PHF2: variants seen among roughly 807,000 people sequenced by gnomAD.
The protein encoded by PHF2 is PHD finger protein 2.
A neutral mutation model predicts 120.5 loss-of-function variants in PHF2; 27 were observed. The observed-to-expected ratio is 0.22, with a 90% CI of 0.17 to 0.31. PHF2 has a LOEUF of 0.31. Ranked by LOEUF, PHF2 falls within the 10% of genes least tolerant of loss-of-function variation. The pLI, the probability that PHF2 is intolerant of heterozygous loss-of-function variation, is 1.00. For synonymous variants in PHF2, 568 were observed against 592.5 expected (o/e 0.96, Z 0.60); for missense variants, 1,024 against 1,434.8 (o/e 0.71, Z 4.63).
chr9:93,630,223 T>G (rs950682787), intron 2 of PHF2, among the ~76,000 whole-genome samples, 168 bp downstream of exon 2: 1 of 152,198 alleles, frequency 6.6e-6, no homozygotes, highest in Non-Finnish European at 1.5e-5. Context: ...TAGCTTACTG[T>G]CCCCTGTAGC....
At chr9:93,658,864 TGTTGCTTA>T (rs1826509319) in intron 10 of PHF2, among the ~76,000 whole-genome samples, 1 of 152,174 alleles carries the variant, frequency 6.6e-6, no homozygotes, top group Non-Finnish European at 1.5e-5. Flanking sequence ...CCACTTACTG[TGTTGCTTA>T]GCATCTTCCC....
At chr9:93,620,423 C>T (rs1825807032) in intron 1 of PHF2, among the ~76,000 whole-genome samples, 1 of 152,198 alleles carries the variant, frequency 6.6e-6, no homozygotes, top group Non-Finnish European at 1.5e-5. Context: ...CTGGGGGATC[C>T]TTTGTGAGCT....
chr9:93,577,127 C>T (rs1432828669), intron 1 of PHF2, among the ~76,000 whole-genome samples: 1 of 149,042 alleles, frequency 6.7e-6, no homozygotes, highest in East Asian at 2.0e-4. Flanking sequence ...GGCCCGCGGG[C>T]CGGGAGGTGG....
At chr9:93,612,267 TAA>T (rs1190471751) in intron 1 of PHF2, among the ~76,000 whole-genome samples, 1 of 152,234 alleles carries the variant, frequency 6.6e-6, no homozygotes, top group Non-Finnish European at 1.5e-5. Flanking sequence ...AGAGGACATG[TAA>T]CAGGTGTCTG....
At chr9:93,669,590 G>A (rs1031852561) in intron 17 of PHF2, among the ~76,000 whole-genome samples, 3 of 152,250 alleles carry the variant, frequency 2.0e-5, no homozygotes, top group Non-Finnish European at 4.4e-5. Context: ...TCTCAGACAG[G>A]GCCTGGGAGG....
At chr9:93,607,425 A>G (rs979018833) in intron 1 of PHF2, among the ~76,000 whole-genome samples, 4 of 145,994 alleles carry the variant, frequency 2.7e-5, no homozygotes, top group African/African-American at 1.0e-4. Context: ...GCCATGCACC[A>G]ACATGCCTGG....
intron 1 of PHF2, among the ~76,000 whole-genome samples, chr9:93,587,962 A>G (rs1282813067): frequency 1.3e-5 from 2 of 152,100 alleles, no homozygotes; most frequent in African/African-American, 2.4e-5. Context: ...AAGGCATGTG[A>G]CTTGGATCCT....
chr9:93,615,399 A>G (rs543090601), intron 1 of PHF2, among the ~76,000 whole-genome samples: 1 of 152,164 alleles, frequency 6.6e-6, no homozygotes, highest in South Asian at 2.1e-4. Context: ...GATGATGATG[A>G]CGATGATGAT....
At chr9:93,671,652 T>C (rs111802777) in intron 17 of PHF2, among the ~76,000 whole-genome samples, 1 of 28,810 alleles carries the variant, frequency 3.5e-5, no homozygotes, top group Admixed American at 3.4e-4. Context: ...GTAGATGCAG[T>C]TGTGGGTGTG....
At position 93,675,671 on chromosome 9, in the gene PHF2, T is replaced by C; in HGVS notation, c.2723-9T>C. The C allele has an allele frequency of 6.2e-7, 1 of 1,607,110 alleles. No individual in the cohort carries two copies. The highest frequency in any genetic ancestry group is 8.5e-7 in the Non-Finnish European group (1 of 1,175,336). Reference sequence around the variant, plus strand: ...ACAGCTTGAGGGGGCTGGCCCTTCTTTTCCACAGCAAGGGTCGGCCCATCG... The same window carrying C: ...ACAGCTTGAGGGGGCTGGCCCTTCTCTTCCACAGCAAGGGTCGGCCCATCG... On this transcript the variant is annotated splice_polypyrimidine_tract_variant and intron_variant, in intron 19 of 21. Coordinates refer to ENST00000359246, the MANE Select transcript of PHF2 (RefSeq NM_005392.4).
At chr9:93,581,006 G>T (rs182103873) in intron 1 of PHF2, among the ~76,000 whole-genome samples, 1 of 152,124 alleles carries the variant, frequency 6.6e-6, no homozygotes, top group African/African-American at 2.4e-5. Context: ...AGGGGGTGGG[G>T]AGTGAGGACT....
rs949338544 is a variant in PHF2, at chr9:93,636,448, G to C, written c.222G>C (p.Gly74=). ...KKRTWHKHGP[G]QAPDVKPVQN... ...GGACCTGGCACAAACACGGCCCGGG[G>C]CAAGCGCCTGACGTCAAGCCCGTGC... Residue 74 remains glycine (G), a synonymous_variant, in exon 3 of 22, where the codon GGG becomes GGC. Coordinates refer to ENST00000359246, the MANE Select transcript of PHF2 (RefSeq NM_005392.4). 6.2e-7 allele frequency: 1 copy of C among 1,610,232 alleles called. No homozygotes were observed. Among genetic ancestry groups the C allele is most frequent in the Non-Finnish European group, 8.5e-7 (1 of 1,178,488 alleles).
intron 10 of PHF2, among the ~76,000 whole-genome samples, chr9:93,659,057 A>G (rs372473234): frequency 2.0e-5 from 3 of 152,342 alleles, no homozygotes; most frequent in African/African-American, 7.2e-5. Flanking sequence ...TTCAGGGAAT[A>G]CAGGCTGCAG....
intron 9 of PHF2, among the ~76,000 whole-genome samples, chr9:93,657,545 C>T (rs1470350297): frequency 1.3e-5 from 2 of 152,232 alleles, no homozygotes; most frequent in African/African-American, 2.4e-5. Flanking sequence ...TGGCCATATC[C>T]TCTCTGCCTG....
chr9:93,648,934 G>A, intron 4 of PHF2, 137 bp from the exon 5 acceptor site: 2 of 904,190 alleles, frequency 2.2e-6, no homozygotes, highest in South Asian at 3.3e-5. Flanking sequence ...GGCACCTAGA[G>A]CCTCCGCATC....
chr9:93,621,505 G>A (rs1382186591), intron 1 of PHF2, among the ~76,000 whole-genome samples: 1 of 152,210 alleles, frequency 6.6e-6, no homozygotes, highest in African/African-American at 2.4e-5. Flanking sequence ...GAAGGAGGAA[G>A]CCCACAAGGG....
At chr9:93,613,680 T>A (rs1341468869) in intron 1 of PHF2, among the ~76,000 whole-genome samples, 1 of 151,280 alleles carries the variant, frequency 6.6e-6, no homozygotes, top group African/African-American at 2.4e-5. Flanking sequence ...TCCTTGATCC[T>A]CCTGCCTCAG....
chr9:93,679,047 A>G lies in PHF2; in HGVS notation c.*1371A>G, dbSNP rs1035746645. ...AGCTCTTTGTTTTCCTTGTATGATG[A>G]GGGGATTGGGGGATACAGTTATTTT... On this transcript the variant is annotated 3_prime_UTR_variant, in exon 22 of 22. Transcript: ENST00000359246. The G allele has an allele frequency of 6.0e-6, 2 of 335,686 alleles. No homozygotes were observed. Among genetic ancestry groups the G allele is most frequent in the Non-Finnish European group, 1.2e-5 (2 of 172,920 alleles). The allele number at this position is 335,686 out of a possible 1,614,324, so 20.8% of individuals were successfully genotyped here.
chr9:93,633,211 G>A (rs1037690931), intron 2 of PHF2, among the ~76,000 whole-genome samples: 1 of 152,198 alleles, frequency 6.6e-6, no homozygotes, highest in African/African-American at 2.4e-5. Flanking sequence ...CAGTGGTGGG[G>A]ATTGCAGGGT....
Sources: allele counts gnomAD v4.1 joint callset (sites outside exome capture counted in the v4.1 genomes callset), GRCh38; gene constraint gnomAD v4.1.1; transcripts MANE v1.5; gene names NCBI Gene and HGNC (gene_info 2026-07-23, HGNC 2026-07-21).